The following LMOD1 variants were observed in gnomAD, a reference collection of about 807,000 sequenced individuals.
LMOD1 encodes the protein leiomodin 1.
A neutral mutation model predicts 36.5 loss-of-function variants in LMOD1; 8 were observed. The observed-to-expected ratio is 0.22, with a 90% CI of 0.13 to 0.40. The LOEUF (loss-of-function observed/expected upper bound fraction) is 0.40. Ranked by LOEUF, LMOD1 falls within the 10% of genes least tolerant of loss-of-function variation. The probability of loss-of-function intolerance (pLI) is 1.00; values close to 1 mark genes in which losing one functional copy is unlikely to be tolerated. For synonymous variants in LMOD1, 284 were observed against 288.7 expected (o/e 0.98, Z 0.17); for missense variants, 630 against 751.1 (o/e 0.84, Z 1.88).
chr1:201,932,990 C>T (rs1027598523), intron 1 of LMOD1, among the ~76,000 whole-genome samples: 3 of 152,020 alleles, frequency 2.0e-5, no homozygotes, highest in East Asian at 1.9e-4. Context: ...TAAAAATGTC[C>T]GAAAATGTTC....
At chr1:201,940,152 C>T (rs1158821709) in intron 1 of LMOD1, among the ~76,000 whole-genome samples, 4 of 151,548 alleles carry the variant, frequency 2.6e-5, no homozygotes, top group Admixed American at 6.6e-5. Context: ...TCTGTCCTGC[C>T]TCCCTCTTGC....
chr1:201,926,614 A>C (rs1254440247), intron 1 of LMOD1, among the ~76,000 whole-genome samples: 2 of 152,260 alleles, frequency 1.3e-5, no homozygotes. Context: ...TAATATGATA[A>C]GCAAAAATAT....
intron 1 of LMOD1, among the ~76,000 whole-genome samples, chr1:201,914,431 G>A (rs367904253): frequency 1.3e-5 from 2 of 152,036 alleles, no homozygotes; most frequent in African/African-American, 2.4e-5. Flanking sequence ...GGTACGGGGC[G>A]GTATTAAGGC....
chr1:201,905,310 C>T (rs1351020154), intron 1 of LMOD1, among the ~76,000 whole-genome samples: 1 of 152,168 alleles, frequency 6.6e-6, no homozygotes, highest in Non-Finnish European at 1.5e-5. Flanking sequence ...CCCATCTCCT[C>T]CAGGCCTTAT....
At chr1:201,941,075 TG>T (rs1558244541) in intron 1 of LMOD1, among the ~76,000 whole-genome samples, 1 of 151,032 alleles carries the variant, frequency 6.6e-6, no homozygotes, top group Non-Finnish European at 1.5e-5. Context: ...TTAGTAGAGA[TG>T]GGGTTTCCCC....
rs754784439 is a variant in LMOD1, at chr1:201,899,052, C to T, written c.1776+185G>A. 8.1e-5 allele frequency: 45 copies of T among 555,382 alleles called. No individual in the cohort carries two copies. Among genetic ancestry groups the T allele is most frequent in the Non-Finnish European group, 1.2e-4 (38 of 316,532 alleles). The allele number at this position is 555,382 out of a possible 1,614,324, so 34.4% of individuals were successfully genotyped here. ...TAGAGTCTCAGCTCTAGGGGATATA[C>T]AGGTGTGACCTGCCTGCAGGCAGGA... On this transcript the variant is annotated intron_variant, in intron 2 of 2. Coordinates refer to ENST00000367288, the MANE Select transcript of LMOD1 (RefSeq NM_012134.3). This position sits in a 1 kb window ranked among gnomAD's most constrained non-coding sequence, Gnocchi z 6.3.
In LMOD1 at chr1:201,898,381, C is replaced by A; in HGVS notation, c.1794G>T (p.Leu598=). The A allele has an allele frequency of 1.2e-6, 2 of 1,612,854 alleles. No homozygotes were observed. Among genetic ancestry groups the A allele is most frequent in the Non-Finnish European group, 1.7e-6 (2 of 1,179,492 alleles). The stretch of plus-strand genomic sequence containing the variant: ...GCCTGGCAGCCTGGTCCTACTGAAG[C>A]AGTTTGGGCACTTCCACCTGTAGGG... ...KQLKKVEVPK[L]LQ Residue 598 remains leucine (L), a synonymous_variant, in exon 3 of 3, where the codon CTG becomes CTT. Coordinates refer to ENST00000367288, the MANE Select transcript of LMOD1 (RefSeq NM_012134.3).
At chr1:201,933,037 C>T (rs978513911) in intron 1 of LMOD1, among the ~76,000 whole-genome samples, 1 of 152,190 alleles carries the variant, frequency 6.6e-6, no homozygotes. Flanking sequence ...AGACTGGAAA[C>T]AACCCAAATG....
Position 201,897,318 on chromosome 1 carries a change from T to C in LMOD1, c.*1054A>G, listed in dbSNP as rs761178191. 6.2e-6 allele frequency: 1 copy of C among 161,350 alleles called. No homozygotes were observed. The highest frequency in any genetic ancestry group is 2.4e-5 in the African/African-American group (1 of 41,538). 10.0% of individuals were successfully genotyped at this position (161,350 alleles called of 1,614,324 possible). A position where few individuals can be genotyped will look rare whatever the true frequency, so the allele number is the denominator to read the frequency against. ...TGAGCATCCCTGAACATGCCTAATATAGCCATCCCAGCACCCTGGGCTCCA... is the reference window on the plus strand; with the variant it reads ...TGAGCATCCCTGAACATGCCTAATACAGCCATCCCAGCACCCTGGGCTCCA... On this transcript the variant is annotated 3_prime_UTR_variant, in exon 3 of 3. Transcript: ENST00000367288.
chr1:201,910,671 C>T (rs1681480003), intron 1 of LMOD1, among the ~76,000 whole-genome samples: 1 of 148,904 alleles, frequency 6.7e-6, no homozygotes, highest in Non-Finnish European at 1.5e-5. Flanking sequence ...TACCTCTGGG[C>T]AGTGTGCTCA....
chr1:201,908,005 C>T (rs548451476), intron 1 of LMOD1, among the ~76,000 whole-genome samples: 4 of 152,204 alleles, frequency 2.6e-5, no homozygotes, highest in East Asian at 1.9e-4. Flanking sequence ...CAGGCCTCCC[C>T]GCTGCTGAAG....
chr1:201,914,032 G>A (rs2820323), intron 1 of LMOD1, among the ~76,000 whole-genome samples: 46,546 of 150,984 alleles, frequency 0.31, 7,356 homozygotes, highest in Non-Finnish European at 0.34. Flanking sequence ...AAGTGGAACC[G>A]CTGGCCATGA....
At chr1:201,927,343 G>A (rs1240845534) in intron 1 of LMOD1, among the ~76,000 whole-genome samples, 1 of 152,154 alleles carries the variant, frequency 6.6e-6, no homozygotes, top group Non-Finnish European at 1.5e-5. Flanking sequence ...CGAGGTGGGA[G>A]GATCACGAGG....
intron 1 of LMOD1, among the ~76,000 whole-genome samples, chr1:201,933,558 T>TATATATAC (rs1172480841): frequency 7.2e-6 from 1 of 138,596 alleles, no homozygotes; most frequent in Non-Finnish European, 1.5e-5. Context: ...ATATATATAA[T>TATATATAC]ACATATATAT....
At chr1:201,905,987 TC>T (rs1681404648) in intron 1 of LMOD1, among the ~76,000 whole-genome samples, 1 of 152,188 alleles carries the variant, frequency 6.6e-6, no homozygotes, top group South Asian at 2.1e-4. Flanking sequence ...CCTTGCTACG[TC>T]CCCTCAATGT....
At chr1:201,944,142 C>T (rs1682164697) in intron 1 of LMOD1, among the ~76,000 whole-genome samples, 1 of 152,222 alleles carries the variant, frequency 6.6e-6, no homozygotes, top group Admixed American at 6.5e-5. Context: ...AAAGGCATCT[C>T]CTTACATCAA....
At chr1:201,935,563 T>G (rs1253104822) in intron 1 of LMOD1, among the ~76,000 whole-genome samples, 1 of 151,956 alleles carries the variant, frequency 6.6e-6, no homozygotes, top group Non-Finnish European at 1.5e-5. Flanking sequence ...ATTTATTCAT[T>G]TATTTATTTA....
At chr1:201,933,910 C>T (rs910985315) in intron 1 of LMOD1, among the ~76,000 whole-genome samples, 1 of 152,030 alleles carries the variant, frequency 6.6e-6, no homozygotes, top group African/African-American at 2.4e-5. Context: ...TCTGAGACCA[C>T]CCAGCTGATA....
rs538256410 is a variant in LMOD1 at position 201,945,877 on chromosome 1, A to T, written c.261+203T>A. On this transcript the variant is annotated intron_variant, in intron 1 of 2. Transcript: ENST00000367288. ...TTGTGGGATGTTGTGTTCCTCCAAC[A>T]TATCCGACTTCTGCTTATAAAACAG... 2.6e-5 allele frequency among the ~76,000 whole-genome samples: 4 copies of T among 152,200 alleles called. No homozygotes were observed. The South Asian group carries it at 8.3e-4, about 32-fold the overall frequency.
Sources: gnomAD v4.1 joint callset for allele counts (sites outside exome capture counted in the v4.1 genomes callset) on GRCh38, gnomAD v4.1.1 for gene constraint, Gnocchi (gnomAD v3.1) non-coding constraint, MANE v1.5 for transcripts, NCBI Gene and HGNC (gene_info 2026-07-23, HGNC 2026-07-21) for gene names.